GALK2: variants seen among roughly 807,000 people sequenced by gnomAD.
The protein encoded by GALK2 is galactokinase 2, also known as N-acetylgalactosamine kinase.
GALK2 carries 36 observed loss-of-function variants against 52.4 expected under a neutral mutation model. The ratio of observed to expected loss-of-function variants is 0.69; its 90% CI spans 0.53 to 0.91. GALK2 has a LOEUF of 0.91. Ranked by LOEUF, GALK2 falls within the 40% of genes least tolerant of loss-of-function variation. GALK2 has a pLI of 0.00. For missense variants in GALK2, 579 were observed against 559.1 expected (o/e 1.04, Z -0.36); for synonymous variants, 176 against 199.1 (o/e 0.88, Z 0.98).
intron 8 of GALK2, among the ~76,000 whole-genome samples, chr15:49,295,329 C>CTCTA (rs879279127): frequency 1.4e-5 from 2 of 141,202 alleles, no homozygotes; most frequent in East Asian, 2.1e-4. Flanking sequence ...CTCTCTCTCT[C>CTCTA]TATCTATATA....
chr15:49,327,579 T>TTTTA (rs2037737537), intron 9 of GALK2: 1 of 159,436 alleles, frequency 6.3e-6, no homozygotes, highest in Non-Finnish European at 1.4e-5. Flanking sequence ...CCTACATTTC[T>TTTTA]TTTACCATTG....
At chr15:49,304,040 C>T (rs1002482866) in intron 8 of GALK2, among the ~76,000 whole-genome samples, 14 of 152,178 alleles carry the variant, frequency 9.2e-5, no homozygotes, top group African/African-American at 3.4e-4. Flanking sequence ...GAGGCTTCTG[C>T]AGATATAAGG....
At chr15:49,334,222 C>A, downstream of GALK2, 1 of 980,722 alleles carries the variant, frequency 1.0e-6, no homozygotes, top group South Asian at 4.7e-5. Flanking sequence ...ACAAACCTAT[C>A]AAGCTCCTTG....
intron 3 of GALK2, among the ~76,000 whole-genome samples, chr15:49,341,775 T>C (rs1310517079): frequency 6.6e-6 from 1 of 152,228 alleles, no homozygotes; most frequent in Non-Finnish European, 1.5e-5. Flanking sequence ...TAAATATTTT[T>C]TTCCTTTCTG....
At chr15:49,249,544 G>A (rs2091500364) in intron 5 of GALK2, among the ~76,000 whole-genome samples, 1 of 152,124 alleles carries the variant, frequency 6.6e-6, no homozygotes, top group Non-Finnish European at 1.5e-5. Context: ...CAAGAAAATA[G>A]GTAAGGTAGG....
chr15:49,333,843 T>G (rs968046141), downstream of GALK2, among the ~76,000 whole-genome samples: 8 of 152,212 alleles, frequency 5.3e-5, no homozygotes, highest in South Asian at 4.1e-4. Flanking sequence ...ATAAAATAAA[T>G]GAGCCCAATT....
chr15:49,328,724 G>A lies in GALK2; in HGVS notation c.*565G>A, dbSNP rs1408149967. 2.0e-6 allele frequency: 3 copies of A among 1,518,170 alleles called. No homozygotes were observed. Among genetic ancestry groups the A allele is most frequent in the South Asian group, 1.3e-5 (1 of 78,600 alleles). 94.0% of individuals were successfully genotyped at this position (1,518,170 alleles called of 1,614,324 possible). On this transcript the variant is annotated 3_prime_UTR_variant, in exon 10 of 10. Coordinates refer to ENST00000560031, the MANE Select transcript of GALK2 (RefSeq NM_002044.4). The stretch of plus-strand genomic sequence containing the variant: ...AGTTTCACAGATCTTCTTGGACATT[G>A]TATAATTGAATTTGAATGTGAGATT...
At chr15:49,186,432 G>A (rs555361278) in intron 1 of GALK2, among the ~76,000 whole-genome samples, 5 of 151,582 alleles carry the variant, frequency 3.3e-5, no homozygotes, top group East Asian at 1.9e-4. Flanking sequence ...TTTCAATTGA[G>A]TGTTTCACTC....
intron 3 of GALK2, among the ~76,000 whole-genome samples, chr15:49,348,759 TG>T (rs1567120510): frequency 1.3e-5 from 2 of 152,236 alleles, no homozygotes. Flanking sequence ...TCAAAAGGTT[TG>T]GCTTTTCCAC....
chr15:49,202,369 C>G (rs62009784), intron 2 of GALK2, among the ~76,000 whole-genome samples: 4,152 of 152,216 alleles, frequency 0.027, 79 homozygotes, highest in Middle Eastern at 0.044. Flanking sequence ...GTTATCCTTC[C>G]CAGCCTCTAG....
At chr15:49,202,368 C>T (rs7179907) in intron 2 of GALK2, among the ~76,000 whole-genome samples, 9,085 of 152,206 alleles carry the variant, frequency 0.06, 537 homozygotes, top group African/African-American at 0.15. Flanking sequence ...TGTTATCCTT[C>T]CCAGCCTCTA....
upstream of GALK2, among the ~76,000 whole-genome samples, chr15:49,168,376 T>G (rs190497896): frequency 6.6e-6 from 1 of 152,276 alleles, no homozygotes; most frequent in East Asian, 1.9e-4. Context: ...CTTTAAAATT[T>G]GTTATTTTTC....
intron 3 of GALK2, among the ~76,000 whole-genome samples, chr15:49,219,358 T>A (rs543041000): frequency 6.6e-6 from 1 of 152,308 alleles, no homozygotes; most frequent in Admixed American, 6.5e-5. Context: ...ACCATTGATA[T>A]AAGACGTGAC....
rs1555428444 is a variant in GALK2, at chr15:49,299,812, G to GTTCTTT, written c.967+7275_967+7276insTTCTTT. The stretch of plus-strand genomic sequence containing the variant: ...CTTTCTTTCGTGCTGTAGTCTGAGA[G>GTTCTTT]CGTGATTGGTATGATTTTTTTTTTA... On this transcript the variant is annotated intron_variant, in intron 8 of 9. Coordinates refer to ENST00000560031, the MANE Select transcript of GALK2 (RefSeq NM_002044.4). Among the ~76,000 whole-genome samples, 313 of 128,008 alleles carry GTTCTTT rather than the reference G, an allele frequency of 2.4e-3. 2 individuals are homozygous for GTTCTTT. Among genetic ancestry groups the GTTCTTT allele is most frequent in the Middle Eastern group, 8.5e-3 (2 of 236 alleles). The allele number at this position is 128,008 out of a possible 152,430, so 84.0% of individuals were successfully genotyped here. A position where few individuals can be genotyped will look rare whatever the true frequency, so the allele number is the denominator to read the frequency against.
At position 49,282,018 on chromosome 15, in the gene GALK2, A is replaced by G. The variant is rs750757835; in HGVS notation, c.536A>G (p.Glu179Gly). The part of the protein sequence containing the change: ...VELAEICAKS[E>G]RYIGTEGGGM... ...CTTGCAGAAATCTGTGCCAAGAGTG[A>G]GCGTTACATTGGCACTGAAGGAGGA... The change falls in exon 6 of 10, where the codon GAG becomes GGG. Residue 179 changes from glutamate (E) to glycine (G), a missense_variant. By Grantham distance (98) the Glu-to-Gly change is moderately conservative. Transcript: ENST00000560031. The G allele has an allele frequency of 1.9e-6, 3 of 1,613,722 alleles. No homozygotes were observed. The highest frequency in any genetic ancestry group is 2.5e-6 in the Non-Finnish European group (3 of 1,179,740).
At chr15:49,236,593 C>T (rs901278658) in intron 4 of GALK2, among the ~76,000 whole-genome samples, 10 of 152,136 alleles carry the variant, frequency 6.6e-5, no homozygotes, top group Admixed American at 6.5e-5. Flanking sequence ...TGTTTTCACT[C>T]TCATAATTGA....
intron 3 of GALK2, among the ~76,000 whole-genome samples, chr15:49,218,031 C>T (rs1003870034): frequency 6.6e-6 from 1 of 152,058 alleles, no homozygotes; most frequent in Non-Finnish European, 1.5e-5. Context: ...CTACTTGCTT[C>T]TAATGTATTA....
At chr15:49,233,304 G>C (rs954842658) in intron 3 of GALK2, among the ~76,000 whole-genome samples, 12 of 152,132 alleles carry the variant, frequency 7.9e-5, no homozygotes, top group Non-Finnish European at 7.4e-5. Flanking sequence ...GATCTAGTGA[G>C]AGCTCTATCA....
chr15:49,286,850 C>T (rs2033420933), intron 7 of GALK2, among the ~76,000 whole-genome samples: 3 of 152,110 alleles, frequency 2.0e-5, no homozygotes, highest in Non-Finnish European at 4.4e-5. Context: ...TAAGTGTTGC[C>T]TTCCTAAGGA....
Sources: gnomAD v4.1 joint callset for allele counts (sites outside exome capture counted in the v4.1 genomes callset) on GRCh38, gnomAD v4.1.1 for gene constraint, MANE v1.5 for transcripts, NCBI Gene and HGNC (gene_info 2026-07-23, HGNC 2026-07-21) for gene names.